SEC24D: variants seen among roughly 807,000 people sequenced by gnomAD.
SEC24D encodes the protein protein transport protein Sec24D.
Under a neutral mutation model 116.9 loss-of-function variants are expected in SEC24D, and 69 were observed. The ratio of observed to expected loss-of-function variants is 0.59; its 90% CI spans 0.49 to 0.72. The LOEUF is 0.72. SEC24D is among the 30% of genes least tolerant of loss of function. The pLI, the probability that SEC24D is intolerant of heterozygous loss-of-function variation, is 0.00. For synonymous variants in SEC24D, 405 were observed against 442.8 expected (o/e 0.91, Z 1.07); for missense variants, 1,131 against 1,264.1 (o/e 0.89, Z 1.60).
chr4:118,728,681 C>T (rs1205208875), intron 21 of SEC24D, 31 bp from the exon 22 acceptor site: 2 of 1,258,448 alleles, frequency 1.6e-6, no homozygotes, highest in Non-Finnish European at 1.1e-6. Context: ...AGTTTTAGTA[C>T]AGTTTATAAC....
chr4:118,815,367 TA>T, intron 5 of SEC24D, 83 bp downstream of exon 5: 1 of 1,503,098 alleles, frequency 6.7e-7, no homozygotes, highest in Non-Finnish European at 9.1e-7. Context: ...GACAGATACC[TA>T]GTAACATAGG....
At chr4:118,746,785 C>T (rs1726560548) in intron 13 of SEC24D, among the ~76,000 whole-genome samples, 1 of 151,992 alleles carries the variant, frequency 6.6e-6, no homozygotes, top group Non-Finnish European at 1.5e-5. Context: ...TAATAAGGTA[C>T]TTAGGTTTGT....
At chr4:118,772,665 G>A (rs1294855135) in intron 8 of SEC24D, among the ~76,000 whole-genome samples, 1 of 152,134 alleles carries the variant, frequency 6.6e-6, no homozygotes, top group Non-Finnish European at 1.5e-5. Context: ...ACAATGACAC[G>A]AATGCCCTGC....
Position 118,815,008 on chromosome 4 carries a change from A to G in SEC24D, c.801+20T>C. ...ATGCTCCTTTGTGAGTGAGACTGTG[A>G]GAGTGAGAAGAGTACTTACTGGGCT... On this transcript the variant is annotated intron_variant, in intron 6 of 22. Transcript: ENST00000280551. 6.2e-7 allele frequency: 1 copy of G among 1,610,354 alleles called. No homozygotes were observed. The highest frequency in any genetic ancestry group is 8.5e-7 in the Non-Finnish European group (1 of 1,178,516).
At chr4:118,741,649 CTT>C (rs1247513876) in intron 15 of SEC24D, among the ~76,000 whole-genome samples, 3 of 152,196 alleles carry the variant, frequency 2.0e-5, no homozygotes, top group Admixed American at 2.0e-4. Context: ...CAGTGAAACT[CTT>C]TAGGAAATTC....
intron 15 of SEC24D, among the ~76,000 whole-genome samples, chr4:118,743,259 T>C (rs1726324998): frequency 6.6e-6 from 1 of 152,064 alleles, no homozygotes; most frequent in Non-Finnish European, 1.5e-5. Flanking sequence ...CACATTGATA[T>C]TTGACTCTGA....
chr4:118,747,201 T>C lies in SEC24D; in HGVS notation c.1708-2141A>G, dbSNP rs763209131. ...GTAAAATTTACAGTAATATTGATTA[T>C]AAAATGTTAAGCATGTTGAAAACTC... On this transcript the variant is annotated intron_variant, in intron 13 of 22. Coordinates refer to ENST00000280551, the MANE Select transcript of SEC24D (RefSeq NM_014822.4). Among the ~76,000 whole-genome samples the C allele has an allele frequency of 5.3e-5, 8 of 151,324 alleles. No individual in the cohort carries two copies. The East Asian group carries it at 1.4e-3, about 26-fold the overall frequency.
At chr4:118,784,021 G>A (rs1402379864) in intron 8 of SEC24D, among the ~76,000 whole-genome samples, 2 of 152,178 alleles carry the variant, frequency 1.3e-5, no homozygotes, top group African/African-American at 4.8e-5. Flanking sequence ...TGGCCAACAT[G>A]GCGAAACCTT....
chr4:118,824,080 T>C (rs1003775661), intron 3 of SEC24D, among the ~76,000 whole-genome samples: 3 of 152,228 alleles, frequency 2.0e-5, no homozygotes, highest in African/African-American at 4.8e-5. Flanking sequence ...CTAACATGTA[T>C]GGTATTGACA....
At chr4:118,792,283 C>A (rs538972981) in intron 8 of SEC24D, among the ~76,000 whole-genome samples, 2 of 149,782 alleles carry the variant, frequency 1.3e-5, no homozygotes, top group East Asian at 4.1e-4. Flanking sequence ...GGGGCAGCCC[C>A]CGCCCGGCCA....
At chr4:118,809,036 C>T (rs1178304191) in intron 6 of SEC24D, among the ~76,000 whole-genome samples, 2 of 151,372 alleles carry the variant, frequency 1.3e-5, no homozygotes, top group Non-Finnish European at 2.9e-5. Flanking sequence ...TGCAGTGGCA[C>T]GATCTTGGCT....
chr4:118,796,544 T>G (rs1729189635), intron 8 of SEC24D, among the ~76,000 whole-genome samples: 1 of 152,192 alleles, frequency 6.6e-6, no homozygotes, highest in Non-Finnish European at 1.5e-5. Flanking sequence ...GTTGGCAGCA[T>G]TACATTACAT....
intron 13 of SEC24D, among the ~76,000 whole-genome samples, chr4:118,749,868 T>C (rs979516458): frequency 5.3e-5 from 8 of 152,180 alleles, no homozygotes; most frequent in African/African-American, 9.7e-5. Flanking sequence ...TCCAACAGTG[T>C]CACTTTGTAA....
intron 3 of SEC24D, among the ~76,000 whole-genome samples, chr4:118,820,177 A>ATT (rs748302677): frequency 5.3e-4 from 67 of 127,424 alleles, no homozygotes; most frequent in Admixed American, 6.0e-4. Flanking sequence ...AATTAGTTTA[A>ATT]TTTTTTTTTT....
intron 9 of SEC24D, 140 bp downstream of exon 9, chr4:118,768,033 G>A (rs921187218): frequency 6.5e-6 from 4 of 612,480 alleles, no homozygotes; most frequent in Non-Finnish European, 1.1e-5. Flanking sequence ...GCCTGTCATA[G>A]TTGGTTTCCT....
At chr4:118,764,723 G>A in intron 10 of SEC24D, 79 bp downstream of exon 10, 1 of 816,954 alleles carries the variant, frequency 1.2e-6, no homozygotes, top group East Asian at 2.5e-5. Context: ...TGAATCAAGA[G>A]TCAGTTCTTT....
chr4:118,757,559 CT>C (rs1160619086), intron 11 of SEC24D, among the ~76,000 whole-genome samples, 161 bp downstream of exon 11: 144 of 152,264 alleles, frequency 9.5e-4, no homozygotes, highest in African/African-American at 3.4e-3. Context: ...ATCACTCTAA[CT>C]TTCTAAGGAC....
At chr4:118,784,106 C>G (rs1342545196) in intron 8 of SEC24D, among the ~76,000 whole-genome samples, 3 of 152,200 alleles carry the variant, frequency 2.0e-5, no homozygotes, top group Non-Finnish European at 4.4e-5. Flanking sequence ...TCCAGTAATA[C>G]AGCAAATCAT....
At chr4:118,788,474 G>T (rs2110494646) in intron 8 of SEC24D, among the ~76,000 whole-genome samples, 1 of 152,292 alleles carries the variant, frequency 6.6e-6, no homozygotes. Flanking sequence ...GTTTTTATTG[G>T]TTCCTAAAAT....
Sources: allele counts gnomAD v4.1 joint callset (sites outside exome capture counted in the v4.1 genomes callset), GRCh38; gene constraint gnomAD v4.1.1; transcripts MANE v1.5; gene names NCBI Gene and HGNC (gene_info 2026-07-23, HGNC 2026-07-21).